The following SMARCA5 variants were observed in gnomAD, a reference collection of about 807,000 sequenced individuals.
The protein encoded by SMARCA5 is SNF2 related chromatin remodeling ATPase 5.
In SMARCA5, 18 loss-of-function variants were observed where a neutral mutation model predicts 140.4. That is an observed-to-expected ratio of 0.13 (90% CI 0.09 to 0.19). The LOEUF is 0.19. SMARCA5 is among the 10% of genes least tolerant of loss of function. The pLI, the probability that SMARCA5 is intolerant of heterozygous loss-of-function variation, is 1.00. For synonymous variants in SMARCA5, 449 were observed against 419.6 expected (o/e 1.07, Z -0.86); for missense variants, 606 against 1,276.8 (o/e 0.47, Z 8.01).
In SMARCA5 at chr4:143,538,922, T is replaced by G; in HGVS notation, c.1754T>G (p.Val585Gly). 6.2e-7 allele frequency: 1 copy of G among 1,613,930 alleles called. No homozygotes were observed. Among genetic ancestry groups the G allele is most frequent in the Non-Finnish European group, 8.5e-7 (1 of 1,179,894 alleles). Residue 585 changes from valine to glycine, a missense_variant, in exon 13 of 24, where the codon GTA becomes GGA. By Grantham distance (109) the Val-to-Gly change is moderately radical (BLOSUM62 -3). Around this residue, in one of 10 missense-constraint regions of SMARCA5, gnomAD observed 62 missense variants for 256.6 expected, o/e 0.24. Transcript: ENST00000283131. ...TATGATTCTGATTGGAATCCCCAAG[T>G]AGATCTTCAGGCTATGGTAAGAGAT... ...ILYDSDWNPQ[V>G]DLQAMDRAHR...
rs184906994 is a variant in SMARCA5 at position 143,538,563 on chromosome 4, A to G, written c.1496-27A>G. ...AATTTTTCTACTTTTGAAGCCACTG[A>G]TAATAGATTGTTATATTCCCCAACA... On this transcript the variant is annotated intron_variant, in intron 11 of 23. Coordinates refer to ENST00000283131, the MANE Select transcript of SMARCA5 (RefSeq NM_003601.4). 1,533 of 1,603,126 alleles carry G rather than the reference A, an allele frequency of 9.6e-4. 1 individual carries two copies. Among genetic ancestry groups the G allele is most frequent in the Admixed American group, 1.5e-3 (88 of 59,140 alleles).
chr4:143,521,175 ACCT>A (rs1195734302), intron 2 of SMARCA5, among the ~76,000 whole-genome samples: 2 of 151,828 alleles, frequency 1.3e-5, no homozygotes, highest in Non-Finnish European at 2.9e-5. Context: ...TCTTGCTCCC[ACCT>A]CCTTGCCACT....
intron 9 of SMARCA5, among the ~76,000 whole-genome samples, chr4:143,532,549 T>C (rs1363151145): frequency 6.6e-6 from 1 of 152,182 alleles, no homozygotes; most frequent in Non-Finnish European, 1.5e-5. Context: ...TACTTTGAAG[T>C]TTCTACAGTA....
chr4:143,521,660 T>G, intron 3 of SMARCA5, 65 bp downstream of exon 3: 3 of 1,324,226 alleles, frequency 2.3e-6, no homozygotes, highest in Non-Finnish European at 3.1e-6. Flanking sequence ...AGTGGAAGCA[T>G]AAAATCACTA....
intron 3 of SMARCA5, among the ~76,000 whole-genome samples, chr4:143,521,843 G>A (rs1382780605): frequency 1.5e-5 from 2 of 135,504 alleles, no homozygotes; most frequent in Admixed American, 1.7e-4. Flanking sequence ...GATTGCTTGA[G>A]TCCGGGAGTA....
rs1737728402 is a variant in SMARCA5, at chr4:143,555,491, T to C, written c.*2307T>C. 1 of 488,270 alleles carries C rather than the reference T, an allele frequency of 2.0e-6. No individual in the cohort carries two copies. Among genetic ancestry groups the C allele is most frequent in the South Asian group, 2.0e-5 (1 of 49,458 alleles). The allele number at this position is 488,270 out of a possible 1,614,324, so 30.2% of individuals were successfully genotyped here. On this transcript the variant is annotated 3_prime_UTR_variant, in exon 24 of 24. Transcript: ENST00000283131. ...AAAGCATTCCAACACAGGGTTTCAG[T>C]GTAGATTGTTTTGTTTTGTACCCAT... is the stretch of plus-strand genomic sequence containing the variant.
intron 8 of SMARCA5, 73 bp downstream of exon 8, chr4:143,528,787 G>A (rs1408276567): frequency 7.1e-7 from 1 of 1,405,298 alleles, no homozygotes; most frequent in Non-Finnish European, 9.7e-7. Context: ...TAATAAAAGT[G>A]GCCTGCCTTT....
chr4:143,527,846 ATT>A lies in SMARCA5; in HGVS notation c.802-16_802-15del, dbSNP rs1202182711. 1.3e-6 allele frequency: 2 copies of A among 1,579,354 alleles called. No homozygotes were observed. Among genetic ancestry groups the A allele is most frequent in the Admixed American group, 2.0e-5 (1 of 48,974 alleles). On this transcript the variant is annotated intron_variant, in intron 6 of 23. Transcript: ENST00000283131. Reference sequence around the variant, plus strand: ...GCGTAGTTTATTTCTACGTGATGTAATTTTTTTCTCTTGTTACACAGGCTGCT... The same window carrying A: ...GCGTAGTTTATTTCTACGTGATGTAATTTTTCTCTTGTTACACAGGCTGCT...
chr4:143,529,536 T>C (rs1206515057), intron 8 of SMARCA5, among the ~76,000 whole-genome samples: 1 of 152,226 alleles, frequency 6.6e-6, no homozygotes, highest in Non-Finnish European at 1.5e-5. Flanking sequence ...ATAGTAATGG[T>C]TAATTAGCTA....
intron 11 of SMARCA5, among the ~76,000 whole-genome samples, chr4:143,538,215 C>G (rs552574825): frequency 6.6e-6 from 1 of 151,962 alleles, no homozygotes; most frequent in African/African-American, 2.4e-5. Context: ...CAGGCTGAGA[C>G]CAGGATTATT....
chr4:143,537,917 CAAAAAA>C (rs34592654), intron 11 of SMARCA5, among the ~76,000 whole-genome samples: 1 of 101,462 alleles, frequency 9.9e-6, no homozygotes. Flanking sequence ...GACTCCATCT[CAAAAAA>C]AAAAAAAAAA....
chr4:143,533,530 T>C (rs1197375176), intron 9 of SMARCA5, among the ~76,000 whole-genome samples: 7 of 140,302 alleles, frequency 5.0e-5, no homozygotes, highest in African/African-American at 1.9e-4. Flanking sequence ...TTTTTTGAGA[T>C]GGAGTCTAGC....
chr4:143,537,325 A>G (rs1383879435), intron 11 of SMARCA5, among the ~76,000 whole-genome samples: 2 of 152,214 alleles, frequency 1.3e-5, no homozygotes, highest in African/African-American at 2.4e-5. Flanking sequence ...TCTTAAAGAT[A>G]CGAAATATCA....
intron 18 of SMARCA5, 23 bp downstream of exon 18, chr4:143,545,606 C>T: frequency 7.8e-7 from 1 of 1,290,278 alleles, no homozygotes; most frequent in Non-Finnish European, 1.1e-6. Context: ...ATCTGCCTTT[C>T]TGTTCATTCC....
chr4:143,550,009 A>C lies in SMARCA5; in HGVS notation c.2998A>C (p.Arg1000=). ...GTTTATAATTTAGGAGCTCCAGAGG[A>C]GATGTAATACCTTAATTACTTTGAT... is the stretch of plus-strand genomic sequence containing the variant. The part of the protein sequence containing the change: ...KSRTAMELQR[R]CNTLITLIER... Residue 1000 remains arginine, a synonymous_variant, in exon 23 of 24, where the codon AGA becomes CGA. Coordinates refer to ENST00000283131, the MANE Select transcript of SMARCA5 (RefSeq NM_003601.4). The C allele has an allele frequency of 6.3e-7, 1 of 1,578,980 alleles. No individual in the cohort carries two copies. The highest frequency in any genetic ancestry group is 1.1e-5 in the South Asian group (1 of 88,692).
rs761004210 is a variant in SMARCA5, at chr4:143,538,875, G to A, written c.1707G>A (p.Ala569=). Residue 569 remains alanine (A), a synonymous_variant, in exon 13 of 24, where the codon GCG becomes GCA. Coordinates refer to ENST00000283131, the MANE Select transcript of SMARCA5 (RefSeq NM_003601.4). ...CTGGTGGTCTTGGCATCAATCTTGC[G>A]ACTGCTGATGTAGTAATTTTGTATG... ...TRAGGLGINL[A]TADVVILYDS... The A allele has an allele frequency of 5.6e-5, 91 of 1,613,878 alleles. No individual in the cohort carries two copies. Among genetic ancestry groups the A allele is most frequent in the Non-Finnish European group, 6.8e-5 (80 of 1,179,956 alleles).
chr4:143,513,888 G>A lies in SMARCA5; in HGVS notation c.-37G>A. The A allele has an allele frequency of 1.3e-6, 2 of 1,532,036 alleles. No individual in the cohort carries two copies. The highest frequency in any genetic ancestry group is 1.7e-6 in the Non-Finnish European group (2 of 1,145,422). 94.9% of individuals were successfully genotyped at this position (1,532,036 alleles called of 1,614,324 possible). On this transcript the variant is annotated 5_prime_UTR_variant, in exon 1 of 24. Coordinates refer to ENST00000283131, the MANE Select transcript of SMARCA5 (RefSeq NM_003601.4). ...TCCCCGTCCATCCCCGCCGGACTCG[G>A]GCCTCTGGCAGCAGCGGGTGACGCA... is the stretch of plus-strand genomic sequence containing the variant.
chr4:143,523,879 A>C (rs1163286485), intron 3 of SMARCA5, among the ~76,000 whole-genome samples: 1 of 152,222 alleles, frequency 6.6e-6, no homozygotes, highest in African/African-American at 2.4e-5. Context: ...AGGGGGTAGT[A>C]TATCTGATTC....
chr4:143,513,958 C>T lies in SMARCA5; in HGVS notation c.34C>T (p.Pro12Ser). Residue 12 changes from proline to serine, a missense_variant, in exon 1 of 24, where the codon CCT becomes TCT. Transcript: ENST00000283131. ...SSAAEPPPPP[P>S]PESAPSKPAA... is the part of the protein sequence containing the mutation. ...CGCGGCCGAGCCTCCGCCACCCCCG[C>T]CTCCCGAGAGCGCGCCTTCCAAGCC... The T allele has an allele frequency of 1.3e-6, 2 of 1,553,134 alleles. No homozygotes were observed. The highest frequency in any genetic ancestry group is 1.7e-6 in the Non-Finnish European group (2 of 1,156,632).
Sources: allele counts gnomAD v4.1 joint callset (sites outside exome capture counted in the v4.1 genomes callset), GRCh38; gene constraint gnomAD v4.1.1; regional missense constraint gnomAD v4.1.1; transcripts MANE v1.5; gene names NCBI Gene and HGNC (gene_info 2026-07-23, HGNC 2026-07-21).